The following DCDC2C variants were observed in gnomAD, a reference collection of about 807,000 sequenced individuals.
DCDC2C encodes doublecortin domain containing 2C.
A neutral mutation model predicts 45.0 loss-of-function variants in DCDC2C; 44 were observed. That is an observed-to-expected ratio of 0.98 (90% CI 0.77 to 1.26). The LOEUF (loss-of-function observed/expected upper bound fraction) is 1.26. Among genes scored for constraint, DCDC2C ranks in the 50% most tolerant of loss-of-function variants. The pLI is 0.00. For missense variants in DCDC2C, 447 were observed against 468.9 expected (o/e 0.95, Z 0.43); for synonymous variants, 187 against 178.8 (o/e 1.05, Z -0.37).
intron 2 of DCDC2C, among the ~76,000 whole-genome samples, chr2:3,718,746 C>T (rs1668415130): frequency 6.6e-6 from 1 of 152,132 alleles, no homozygotes; most frequent in South Asian, 2.1e-4. Context: ...GGAGTTGGTT[C>T]CTGCCGGTGG....
At chr2:3,749,695 A>G (rs1179899482) in intron 4 of DCDC2C, among the ~76,000 whole-genome samples, 1 of 152,176 alleles carries the variant, frequency 6.6e-6, no homozygotes, top group Non-Finnish European at 1.5e-5. Context: ...TTGGCCCCAT[A>G]GGGTTTAAAC....
rs780951930 is a variant in DCDC2C, at chr2:3,764,106, C to T, written c.727-3648C>T. ...AGGCATCGACTTCATCATTTCTCATCGCTTACCTCTATTATATGCAACTAG... is the reference window on the plus strand; with the variant it reads ...AGGCATCGACTTCATCATTTCTCATTGCTTACCTCTATTATATGCAACTAG... On this transcript the variant is annotated intron_variant, in intron 6 of 10. Coordinates refer to ENST00000399143, the MANE Select transcript of DCDC2C (RefSeq NM_001287444.2). Among the ~76,000 whole-genome samples, 20 of 152,294 alleles carry T rather than the reference C, an allele frequency of 1.3e-4. 1 individual carries two copies. The highest frequency in any genetic ancestry group is 2.1e-4 in the Non-Finnish European group (14 of 68,012).
intron 10 of DCDC2C, among the ~76,000 whole-genome samples, chr2:3,810,240 G>A (rs907874230): frequency 3.3e-5 from 5 of 152,148 alleles, no homozygotes; most frequent in African/African-American, 1.2e-4. Context: ...TTTCTCCACA[G>A]CCTCACCAGC....
intron 6 of DCDC2C, among the ~76,000 whole-genome samples, chr2:3,755,797 T>C (rs543074308): frequency 6.6e-6 from 1 of 152,212 alleles, no homozygotes; most frequent in East Asian, 1.9e-4. Flanking sequence ...GAGGTGTGTA[T>C]ATGGATACAT....
intron 6 of DCDC2C, among the ~76,000 whole-genome samples, chr2:3,763,035 G>A (rs1426324742): frequency 6.6e-6 from 1 of 152,124 alleles, no homozygotes; most frequent in Non-Finnish European, 1.5e-5. Context: ...GACCTTGAGT[G>A]CTTGGGTTAT....
rs1054011824 is a variant in DCDC2C at position 3,778,798 on chromosome 2, G to A, written c.955-18G>A. The A allele has an allele frequency of 7.1e-6, 11 of 1,548,962 alleles. No homozygotes were observed. Among genetic ancestry groups the A allele is most frequent in the South Asian group, 2.4e-5 (2 of 83,828 alleles). On this transcript the variant is annotated intron_variant, in intron 8 of 10. Coordinates refer to ENST00000399143, the MANE Select transcript of DCDC2C (RefSeq NM_001287444.2). ...TCCACATAAGTAGTTGATAAAATGT[G>A]GTGTATTTTCTCCCCAGAGACAAGC... is the stretch of plus-strand genomic sequence containing the variant.
At chr2:3,726,907 T>C (rs1178516948) in intron 2 of DCDC2C, 96 bp from the exon 3 acceptor site, 2 of 1,104,482 alleles carry the variant, frequency 1.8e-6, no homozygotes, top group African/African-American at 3.1e-5. Context: ...TTCCCCCCCT[T>C]TCTTATGTTT....
intron 10 of DCDC2C, among the ~76,000 whole-genome samples, chr2:3,813,318 C>T (rs1020975763): frequency 2.0e-5 from 3 of 152,110 alleles, no homozygotes; most frequent in Non-Finnish European, 4.4e-5. Flanking sequence ...CTGCCTGCCT[C>T]AGCCTCCCAA....
intron 8 of DCDC2C, among the ~76,000 whole-genome samples, chr2:3,772,995 C>T (rs1670223562): frequency 1.3e-5 from 2 of 152,290 alleles, no homozygotes; most frequent in East Asian, 1.9e-4. Flanking sequence ...ATTAGGGAAG[C>T]GGTAACCTGA....
At chr2:3,803,407 T>G (rs1369053639) in intron 10 of DCDC2C, among the ~76,000 whole-genome samples, 1 of 152,216 alleles carries the variant, frequency 6.6e-6, no homozygotes, top group East Asian at 1.9e-4. Context: ...GCGTCCTATC[T>G]TCGTGGGTTC....
At chr2:3,767,320 G>C (rs902397020) in intron 6 of DCDC2C, among the ~76,000 whole-genome samples, 2 of 152,206 alleles carry the variant, frequency 1.3e-5, no homozygotes, top group Non-Finnish European at 1.5e-5. Flanking sequence ...CCTCACAGAC[G>C]CTCTCATCCT....
At chr2:3,825,393 G>T (rs1671789344) in intron 10 of DCDC2C, among the ~76,000 whole-genome samples, 1 of 152,180 alleles carries the variant, frequency 6.6e-6, no homozygotes, top group Admixed American at 6.5e-5. Flanking sequence ...TTAGATTTCA[G>T]GCTAATTGGT....
Position 3,765,154 on chromosome 2 carries a change from G to A in DCDC2C, c.727-2600G>A, listed in dbSNP as rs2148147229. Among the ~76,000 whole-genome samples the A allele has an allele frequency of 1.3e-5, 2 of 152,246 alleles. 1 individual carries two copies. The highest frequency in any genetic ancestry group is 4.1e-4 in the South Asian group (2 of 4,824). ...GCCTGCAGAATCTGTGTCTATCAAT[G>A]CCCTGCATTTTCTTGTATGAAGAAA... On this transcript the variant is annotated intron_variant, in intron 6 of 10. Transcript: ENST00000399143.
intron 3 of DCDC2C, among the ~76,000 whole-genome samples, chr2:3,740,599 A>G (rs1311728575): frequency 1.3e-5 from 2 of 152,272 alleles, no homozygotes; most frequent in Non-Finnish European, 1.5e-5. Flanking sequence ...AGGAAAACCA[A>G]TAGTTGAAAA....
chr2:3,786,323 G>T (rs1200563461), intron 10 of DCDC2C, among the ~76,000 whole-genome samples: 3 of 147,866 alleles, frequency 2.0e-5, no homozygotes, highest in African/African-American at 7.8e-5. Context: ...GATGTGTCCC[G>T]CCTGTGCACG....
At chr2:3,833,081 T>C (rs962520404) in intron 10 of DCDC2C, among the ~76,000 whole-genome samples, 16 of 152,206 alleles carry the variant, frequency 1.1e-4, no homozygotes, top group Non-Finnish European at 2.2e-4. Context: ...CTTTGGCTTG[T>C]GGGCCCTTCC....
intron 10 of DCDC2C, among the ~76,000 whole-genome samples, chr2:3,790,772 T>C (rs1572620378): frequency 6.6e-6 from 1 of 152,020 alleles, no homozygotes; most frequent in African/African-American, 2.4e-5. Flanking sequence ...TAATGCTAAG[T>C]GGTGTCGTGG....
chr2:3,733,385 C>A (rs1344632626), intron 3 of DCDC2C, among the ~76,000 whole-genome samples: 1 of 152,212 alleles, frequency 6.6e-6, no homozygotes, highest in South Asian at 2.1e-4. Context: ...CAGGTGTAAA[C>A]CACATACAGT....
chr2:3,733,220 G>A (rs760873535), intron 3 of DCDC2C, among the ~76,000 whole-genome samples: 3 of 152,230 alleles, frequency 2.0e-5, no homozygotes, highest in Non-Finnish European at 4.4e-5. Context: ...TCCAGTGTAA[G>A]CTGTTCTCCT....
Sources: allele counts gnomAD v4.1 joint callset (sites outside exome capture counted in the v4.1 genomes callset), GRCh38; gene constraint gnomAD v4.1.1; transcripts MANE v1.5; gene names NCBI Gene and HGNC (gene_info 2026-07-23, HGNC 2026-07-21).